LRRTM3: variants seen among roughly 807,000 people sequenced by gnomAD.
LRRTM3 encodes leucine-rich repeat transmembrane neuronal protein 3.
LRRTM3 carries 24 observed loss-of-function variants against 44.7 expected under a neutral mutation model. The observed-to-expected ratio is 0.54, with a 90% confidence interval of 0.39 to 0.76. LRRTM3 has a LOEUF of 0.76. Among genes scored for constraint, LRRTM3 ranks in the 30% least tolerant of loss-of-function variants. The pLI is 0.00. For missense variants in LRRTM3, 587 were observed against 702.2 expected, an observed-to-expected ratio of 0.84 and a Z score of 1.85; for synonymous variants, 277 against 278.7, an observed-to-expected ratio of 0.99 and a Z score of 0.06.
intron 2 of LRRTM3, among the ~76,000 whole-genome samples, chr10:67,086,837 T>C (rs1857339715): frequency 1.3e-5 from 2 of 151,996 alleles, no homozygotes; most frequent in African/African-American, 4.8e-5. Context: ...ATTTTTAATA[T>C]AATGTAATTT....
chr10:67,079,108 A>G (rs1856899388), intron 2 of LRRTM3, among the ~76,000 whole-genome samples: 2 of 152,302 alleles, frequency 1.3e-5, no homozygotes, highest in Admixed American at 6.5e-5. Context: ...GGAATAATCC[A>G]TATTTATAAG....
chr10:67,011,975 T>A (rs1852367963), intron 2 of LRRTM3, among the ~76,000 whole-genome samples: 1 of 152,102 alleles, frequency 6.6e-6, no homozygotes, highest in Non-Finnish European at 1.5e-5. Flanking sequence ...CAACATTACC[T>A]CCTCTGTCAT....
intron 2 of LRRTM3, among the ~76,000 whole-genome samples, chr10:67,092,934 T>TGG (rs1229681859): frequency 2.6e-5 from 4 of 151,980 alleles, no homozygotes; most frequent in Non-Finnish European, 5.9e-5. Flanking sequence ...TACAATAGCA[T>TGG]ATAACGATTT....
intron 2 of LRRTM3, among the ~76,000 whole-genome samples, chr10:66,932,482 T>C (rs1847458638): frequency 6.6e-6 from 1 of 152,150 alleles, no homozygotes; most frequent in Admixed American, 6.5e-5. Flanking sequence ...TCCTTTTTGC[T>C]CTGGATTCTC....
chr10:67,048,010 G>A (rs755518657), intron 2 of LRRTM3, among the ~76,000 whole-genome samples: 10 of 152,116 alleles, frequency 6.6e-5, no homozygotes, highest in Non-Finnish European at 1.0e-4. Flanking sequence ...ACAGTACCAT[G>A]TGTTCTTTCT....
In LRRTM3 at chr10:66,951,122, C is replaced by CT. The variant is rs60087487; in HGVS notation, c.1536+22683dup. Among the ~76,000 whole-genome samples, 739 of 140,670 alleles carry CT rather than the reference C, an allele frequency of 5.3e-3. 33 individuals are homozygous for CT. In the East Asian group the frequency reaches 0.11, roughly 21 times the overall value. 92.3% of individuals were successfully genotyped at this position (140,670 alleles called of 152,430 possible). A position where few individuals can be genotyped will look rare whatever the true frequency, so the allele number is the denominator to read the frequency against. ...ACACACACACACACACACACACTGT[C>CT]TTTTTTTTTTTTTAAGACAGAGTCT... is the stretch of plus-strand genomic sequence containing the variant. On this transcript the variant is annotated intron_variant, in intron 2 of 2. Transcript: ENST00000361320.
At chr10:66,935,992 C>T (rs540573138) in intron 2 of LRRTM3, among the ~76,000 whole-genome samples, 1 of 152,144 alleles carries the variant, frequency 6.6e-6, no homozygotes, top group Non-Finnish European at 1.5e-5. Flanking sequence ...GAACATCCCT[C>T]TGCTAGTTAA....
At chr10:66,946,444 C>T (rs902755110) in intron 2 of LRRTM3, among the ~76,000 whole-genome samples, 10 of 152,180 alleles carry the variant, frequency 6.6e-5, no homozygotes, top group South Asian at 2.1e-4. Context: ...GGTCAATGTA[C>T]AGCTTGATGA....
intron 2 of LRRTM3, among the ~76,000 whole-genome samples, 169 bp from the exon 3 acceptor site, chr10:67,097,418 C>A (rs1858067721): frequency 6.6e-6 from 1 of 151,838 alleles, no homozygotes; most frequent in African/African-American, 2.4e-5. Flanking sequence ...GCACTGATCT[C>A]ACCATATAGG....
chr10:67,056,710 T>A (rs1855452842), intron 2 of LRRTM3, among the ~76,000 whole-genome samples: 1 of 152,184 alleles, frequency 6.6e-6, no homozygotes, highest in Non-Finnish European at 1.5e-5. Context: ...TAACTTTCAA[T>A]CACTATGATC....
chr10:66,956,833 C>T (rs1355210988), intron 2 of LRRTM3, among the ~76,000 whole-genome samples: 2 of 152,182 alleles, frequency 1.3e-5, no homozygotes, highest in African/African-American at 2.4e-5. Flanking sequence ...ACCAATATTC[C>T]GTTTAATCCT....
chr10:67,088,907 C>T lies in LRRTM3; in HGVS notation c.1537-8680C>T, dbSNP rs570830240. Among the ~76,000 whole-genome samples, 6 of 151,736 alleles carry T rather than the reference C, an allele frequency of 4.0e-5. No homozygotes were observed. In the South Asian group the frequency reaches 1.3e-3, roughly 32 times the overall value. On this transcript the variant is annotated intron_variant, in intron 2 of 2. Coordinates refer to ENST00000361320, the MANE Select transcript of LRRTM3 (RefSeq NM_178011.5). ...CAACTAACTGCAAATTGAAAATATA[C>T]AAGAGAAAAACAAACAATAAAAAAT...
At chr10:67,071,900 T>C (rs1856489263) in intron 2 of LRRTM3, among the ~76,000 whole-genome samples, 1 of 152,220 alleles carries the variant, frequency 6.6e-6, no homozygotes, top group Admixed American at 6.5e-5. Flanking sequence ...TAATTTCAGA[T>C]AGAGGTAGGA....
rs1042003095 is a variant in LRRTM3 at position 67,048,621 on chromosome 10, A to G, written c.1537-48966A>G. On this transcript the variant is annotated intron_variant, in intron 2 of 2. Coordinates refer to ENST00000361320, the MANE Select transcript of LRRTM3 (RefSeq NM_178011.5). ...ATGAAAATCACTTATTCCTTTGAAA[A>G]TTGGGATACTTTTTATTTTGAGAGC... Among the ~76,000 whole-genome samples the G allele has an allele frequency of 8.5e-5, 13 of 152,106 alleles. 1 individual carries two copies. Among genetic ancestry groups the G allele is most frequent in the Admixed American group, 8.5e-4 (13 of 15,270 alleles).
chr10:67,083,753 C>G (rs907728500), intron 2 of LRRTM3, among the ~76,000 whole-genome samples: 2 of 152,074 alleles, frequency 1.3e-5, no homozygotes, highest in East Asian at 3.9e-4. Flanking sequence ...AAATAAACAG[C>G]CAAGGCATTC....
chr10:67,026,748 T>C (rs1853415232), intron 2 of LRRTM3, among the ~76,000 whole-genome samples: 1 of 152,226 alleles, frequency 6.6e-6, no homozygotes, highest in African/African-American at 2.4e-5. Flanking sequence ...TTCTGTCTGG[T>C]TCTTAGTTGT....
intron 2 of LRRTM3, among the ~76,000 whole-genome samples, chr10:67,024,426 T>C (rs1853224562): frequency 1.3e-5 from 2 of 152,222 alleles, no homozygotes; most frequent in Admixed American, 6.5e-5. Flanking sequence ...AAATCCTTAA[T>C]TGTTCTGCAA....
intron 2 of LRRTM3, among the ~76,000 whole-genome samples, chr10:67,020,098 C>T (rs952429381): frequency 2.0e-5 from 3 of 152,252 alleles, no homozygotes; most frequent in South Asian, 4.1e-4. Flanking sequence ...AGTCCCAAAT[C>T]GCCTTACAAT....
chr10:66,975,611 G>A (rs531002944), intron 2 of LRRTM3, among the ~76,000 whole-genome samples: 1 of 152,290 alleles, frequency 6.6e-6, no homozygotes, highest in Non-Finnish European at 1.5e-5. Context: ...GTCATGTACA[G>A]AGCACTTGGC....
Sources: gnomAD v4.1 joint callset for allele counts (sites outside exome capture counted in the v4.1 genomes callset) on GRCh38, gnomAD v4.1.1 for gene constraint, MANE v1.5 for transcripts, NCBI Gene and HGNC (gene_info 2026-07-23, HGNC 2026-07-21) for gene names.